TNC: variants seen among roughly 807,000 people sequenced by gnomAD.
TNC encodes tenascin C.
A neutral mutation model predicts 202.4 loss-of-function variants in TNC; 109 were observed. The ratio of observed to expected loss-of-function variants is 0.54; its 90% CI spans 0.46 to 0.63. The LOEUF (loss-of-function observed/expected upper bound fraction) is 0.63. Among genes scored for constraint, TNC ranks in the 30% least tolerant of loss-of-function variants. The probability of loss-of-function intolerance (pLI) is 0.00; values close to 1 mark genes in which losing one functional copy is unlikely to be tolerated. For synonymous variants in TNC, 1,007 were observed against 1,089.7 expected (o/e 0.92, Z 1.50); for missense variants, 2,756 against 2,833.3 (o/e 0.97, Z 0.62).
chr9:115,112,498 T>A (rs72760428), intron 1 of TNC: 8,697 of 152,280 alleles, frequency 0.057, 341 homozygotes, highest in Admixed American at 0.07. Context: ...CAAATCTTTT[T>A]AAATTCTTTT....
intron 1 of TNC, among the ~76,000 whole-genome samples, chr9:115,093,619 G>GC (rs1835393900): frequency 7.0e-6 from 1 of 142,686 alleles, no homozygotes; most frequent in African/African-American, 2.6e-5. Context: ...TCAATTCTTA[G>GC]CTTTTTTTTT....
intron 10 of TNC, among the ~76,000 whole-genome samples, chr9:115,069,061 C>A (rs1460373219): frequency 6.6e-6 from 1 of 152,200 alleles, no homozygotes; most frequent in Admixed American, 6.5e-5. Context: ...CATCGCCTGA[C>A]CCACAGTAGG....
intron 10 of TNC, among the ~76,000 whole-genome samples, chr9:115,067,492 A>C (rs1833043281): frequency 1.3e-5 from 2 of 152,270 alleles, no homozygotes; most frequent in South Asian, 4.1e-4. Context: ...TTTTTTCTAT[A>C]AAATAAATTT....
intron 16 of TNC, among the ~76,000 whole-genome samples, chr9:115,047,884 T>C (rs1031199312): frequency 6.6e-6 from 1 of 152,170 alleles, no homozygotes; most frequent in East Asian, 1.9e-4. Context: ...GCAAAAGTTT[T>C]AAATACGTTT....
chr9:115,021,035 G>A lies in TNC; in HGVS notation c.*122C>T. 1 of 749,436 alleles carries A rather than the reference G, an allele frequency of 1.3e-6. No homozygotes were observed. The highest frequency in any genetic ancestry group is 2.2e-6 in the Non-Finnish European group (1 of 456,780). 46.4% of individuals were successfully genotyped at this position (749,436 alleles called of 1,614,324 possible). A position where few individuals can be genotyped will look rare whatever the true frequency, so the allele number is the denominator to read the frequency against. On this transcript the variant is annotated 3_prime_UTR_variant, in exon 28 of 28. Transcript: ENST00000350763. ...CGTTGGCCCCAGGGATCCATGGTCA[G>A]CTTTGACTCTCACCAAATGCCCAGG...
chr9:115,084,554 A>C (rs1462630572), intron 3 of TNC, 82 bp from the exon 4 acceptor site: 2 of 1,497,116 alleles, frequency 1.3e-6, no homozygotes, highest in Non-Finnish European at 1.8e-6. Context: ...TGTCTTTTCC[A>C]CTGTCAGCCA....
Position 115,064,678 on chromosome 9 carries a change from T to G in TNC, c.3456A>C (p.Arg1152Ser). Residue 1152 changes from arginine (R) to serine (S), a missense_variant, in exon 11 of 28, where the codon AGA (arginine) becomes AGC (serine). This residue lies in a region of TNC where 2,559 missense variants were observed against 2,546.0 expected (regional missense o/e 1.01). Coordinates refer to ENST00000350763, the MANE Select transcript of TNC (RefSeq NM_002160.4). ...AGGCCTCAGCAGAGAGCACTGGTGT[T>G]CTATAGCCCTGGATCACCCCATAGA... Reference protein sequence around the residue: ...VSIYGVIQGYRTPVLSAEAST... With the variant: ...VSIYGVIQGYSTPVLSAEAST... 6.2e-7 allele frequency: 1 copy of G among 1,613,242 alleles called. No individual in the cohort carries two copies. Among genetic ancestry groups the G allele is most frequent in the Non-Finnish European group, 8.5e-7 (1 of 1,179,272 alleles).
chr9:115,095,526 ATATATATATG>A (rs1564138265), intron 1 of TNC, among the ~76,000 whole-genome samples: 1 of 3,388 alleles, frequency 3.0e-4, no homozygotes, highest in African/African-American at 8.1e-4. Context: ...ATATATATGT[ATATATATATG>A]TATATATATG....
chr9:115,091,207 G>A (rs1835206645), intron 1 of TNC, 53 bp from the exon 2 acceptor site: 2 of 585,036 alleles, frequency 3.4e-6, no homozygotes, highest in African/African-American at 3.7e-5. Flanking sequence ...TGAATATATT[G>A]AATATCTACA....
Position 115,021,337 on chromosome 9 carries a change from G to C in TNC, c.6496-70C>G, listed in dbSNP as rs955157343. 26 of 1,058,260 alleles carry C rather than the reference G, an allele frequency of 2.5e-5. No individual in the cohort carries two copies. The Admixed American group carries it at 5.1e-4, about 21-fold the overall frequency. The allele number at this position is 1,058,260 out of a possible 1,614,324, so 65.6% of individuals were successfully genotyped here. On this transcript the variant is annotated intron_variant, in intron 27 of 27. Transcript: ENST00000350763. ...TCCAGGTTGGTTACTGTTAGGCGAGGTGTTCACTGATCATTGCTATTTAGT... is the reference window on the plus strand; with the variant it reads ...TCCAGGTTGGTTACTGTTAGGCGAGCTGTTCACTGATCATTGCTATTTAGT...
At chr9:115,021,699 G>T (rs1205485354) in intron 27 of TNC, among the ~76,000 whole-genome samples, 1 of 152,102 alleles carries the variant, frequency 6.6e-6, no homozygotes, top group Non-Finnish European at 1.5e-5. Context: ...TTTTGATAGG[G>T]GTTTGGTATG....
chr9:115,035,603 A>G (rs1830262661), intron 21 of TNC: 1 of 350,912 alleles, frequency 2.8e-6, no homozygotes, highest in South Asian at 5.5e-5. Flanking sequence ...GAACATCATT[A>G]TCAAGCCCCT....
At chr9:115,098,932 G>A (rs1001054307) in intron 1 of TNC, among the ~76,000 whole-genome samples, 10 of 82,092 alleles carry the variant, frequency 1.2e-4, no homozygotes, top group South Asian at 5.9e-4. Flanking sequence ...ACAGCCTTAA[G>A]TGTGTATTTT....
intron 10 of TNC, among the ~76,000 whole-genome samples, chr9:115,069,846 T>TC (rs1450762481): frequency 1.4e-5 from 2 of 140,700 alleles, no homozygotes; most frequent in Non-Finnish European, 3.1e-5. Context: ...CTTCCTTCCT[T>TC]CTTTCCTTCC....
chr9:115,097,264 T>A (rs1185245548), intron 1 of TNC, among the ~76,000 whole-genome samples: 3 of 152,216 alleles, frequency 2.0e-5, no homozygotes, highest in African/African-American at 7.2e-5. Context: ...TACATATGTC[T>A]ATCTCATAGT....
chr9:115,042,398 A>T (rs1395928249), intron 17 of TNC, 57 bp from the exon 18 acceptor site: 1 of 1,596,220 alleles, frequency 6.3e-7, no homozygotes, highest in Non-Finnish European at 8.5e-7. Context: ...TTGTTCATCA[A>T]TGGTTCTTCC....
chr9:115,113,596 T>A (rs1837240042), intron 1 of TNC, among the ~76,000 whole-genome samples: 1 of 152,206 alleles, frequency 6.6e-6, no homozygotes. Context: ...TGTTCAGAAC[T>A]CATGATATAT....
intron 15 of TNC, chr9:115,052,933 C>T: frequency 1.4e-6 from 1 of 702,718 alleles, no homozygotes; most frequent in East Asian, 2.7e-5. Flanking sequence ...TTGCAAAAAG[C>T]CCAGCTTGAG....
chr9:115,094,539 A>T (rs112106319), intron 1 of TNC, among the ~76,000 whole-genome samples: 427 of 152,328 alleles, frequency 2.8e-3, no homozygotes, highest in Admixed American at 5.3e-3. Context: ...GTCAGACATG[A>T]AGAATCATGT....
Sources: gnomAD v4.1 joint callset for allele counts (sites outside exome capture counted in the v4.1 genomes callset) on GRCh38, gnomAD v4.1.1 for gene constraint, gnomAD v4.1.1 regional missense constraint, MANE v1.5 for transcripts, NCBI Gene and HGNC (gene_info 2026-07-23, HGNC 2026-07-21) for gene names.